ALPK2: variants seen among roughly 807,000 people sequenced by gnomAD.
The protein encoded by ALPK2 is alpha kinase 2.
In ALPK2, 127 loss-of-function variants were observed where a neutral mutation model predicts 163.1. That is an observed-to-expected ratio of 0.78 (90% CI 0.67 to 0.90). The LOEUF is 0.90. ALPK2 is among the 40% of genes least tolerant of loss of function. ALPK2 has a pLI of 0.00. For missense variants in ALPK2, 2,360 were observed against 2,589.6 expected (o/e 0.91, Z 1.92); for synonymous variants, 953 against 959.1 (o/e 0.99, Z 0.12).
intron 4 of ALPK2, among the ~76,000 whole-genome samples, chr18:58,539,124 C>T (rs894270081): frequency 5.3e-5 from 8 of 152,186 alleles, no homozygotes; most frequent in African/African-American, 1.9e-4. Flanking sequence ...AACAATGTTA[C>T]TAAAAAACAG....
At chr18:58,597,141 T>G (rs900328449) in intron 3 of ALPK2, among the ~76,000 whole-genome samples, 5 of 151,822 alleles carry the variant, frequency 3.3e-5, no homozygotes, top group African/African-American at 4.8e-5. Flanking sequence ...ACAAAAAAAT[T>G]TAGTCAGGTG....
intron 4 of ALPK2, among the ~76,000 whole-genome samples, chr18:58,569,299 C>A (rs537023721): frequency 6.6e-6 from 1 of 152,194 alleles, no homozygotes; most frequent in Non-Finnish European, 1.5e-5. Flanking sequence ...GAGCTTCCAA[C>A]GCCCACACTG....
intron 1 of ALPK2, among the ~76,000 whole-genome samples, chr18:58,619,171 A>G (rs572809153): frequency 2.6e-5 from 4 of 152,342 alleles, no homozygotes; most frequent in African/African-American, 9.6e-5. Context: ...CGGGAGAGAC[A>G]CTTAACACAT....
At position 58,613,712 on chromosome 18, in the gene ALPK2, AATAATAAT is replaced by A. The variant is rs1568101774; in HGVS notation, c.-20-1903_-20-1896del. On this transcript the variant is annotated intron_variant, in intron 1 of 12. Transcript: ENST00000361673. ...AGACTCCATCTCAAAAAAAAAAAAT[AATAATAAT>A]AATAATAATAATAATAATAATAATA... Among the ~76,000 whole-genome samples the A allele has an allele frequency of 1.3e-3, 60 of 44,880 alleles. 2 individuals carry two copies. The highest frequency in any genetic ancestry group is 3.5e-3 in the African/African-American group (46 of 13,038). 29.4% of individuals were successfully genotyped at this position (44,880 alleles called of 152,430 possible). A position where few individuals can be genotyped will look rare whatever the true frequency, so the allele number is the denominator to read the frequency against.
chr18:58,567,655 G>A (rs1261947276), intron 4 of ALPK2, among the ~76,000 whole-genome samples: 3 of 152,154 alleles, frequency 2.0e-5, no homozygotes, highest in Non-Finnish European at 2.9e-5. Context: ...TAACCAACAC[G>A]TGGCATTGGT....
At chr18:58,615,053 A>C (rs183740781) in intron 1 of ALPK2, among the ~76,000 whole-genome samples, 1 of 151,284 alleles carries the variant, frequency 6.6e-6, no homozygotes, top group Admixed American at 6.6e-5. Flanking sequence ...GGGCTCAAGC[A>C]ATCCTCCCAC....
chr18:58,603,922 C>T (rs1028943172), intron 3 of ALPK2, among the ~76,000 whole-genome samples: 6 of 152,142 alleles, frequency 3.9e-5, no homozygotes, highest in African/African-American at 1.2e-4. Context: ...CTGCCAAGCA[C>T]ACTTGACCCG....
At chr18:58,608,517 G>A (rs1260983960) in intron 2 of ALPK2, among the ~76,000 whole-genome samples, 1 of 152,152 alleles carries the variant, frequency 6.6e-6, no homozygotes, top group Non-Finnish European at 1.5e-5. Flanking sequence ...GTCAAAATGT[G>A]CCATATGCAC....
At chr18:58,572,243 A>G (rs1308614731) in intron 4 of ALPK2, among the ~76,000 whole-genome samples, 5 of 152,234 alleles carry the variant, frequency 3.3e-5, no homozygotes, top group Non-Finnish European at 5.9e-5. Context: ...AAATAATGAC[A>G]ATACCAAATG....
chr18:58,486,532 A>C (rs1368531706), intron 12 of ALPK2, among the ~76,000 whole-genome samples: 1 of 152,086 alleles, frequency 6.6e-6, no homozygotes, highest in Non-Finnish European at 1.5e-5. Context: ...GAAAGAACAA[A>C]ATGAATGGGG....
intron 3 of ALPK2, among the ~76,000 whole-genome samples, chr18:58,592,292 G>A (rs1194715886): frequency 6.6e-6 from 1 of 152,216 alleles, no homozygotes. Flanking sequence ...ACAGGGAGCA[G>A]TACACAATTT....
At chr18:58,517,285 G>A in intron 8 of ALPK2, 103 bp from the exon 9 acceptor site, 1 of 1,246,158 alleles carries the variant, frequency 8.0e-7, no homozygotes, top group Non-Finnish European at 1.1e-6. Context: ...TGACAAGGCT[G>A]ACCTGCAGAA....
intron 1 of ALPK2, among the ~76,000 whole-genome samples, chr18:58,615,111 G>A (rs1334948837): frequency 6.6e-6 from 1 of 152,046 alleles, no homozygotes; most frequent in Non-Finnish European, 1.5e-5. Flanking sequence ...ACAGAGCCCG[G>A]CCTATTCTGG....
Position 58,607,386 on chromosome 18 carries a change from T to C in ALPK2, c.163A>G (p.Ser55Gly), listed in dbSNP as rs2052103646. The C allele has an allele frequency of 6.2e-7, 1 of 1,613,436 alleles. No homozygotes were observed. Among genetic ancestry groups the C allele is most frequent in the Non-Finnish European group, 8.5e-7 (1 of 1,179,848 alleles). ...WYKNGQAIDG[S>G]GIISNYEFFE... ...AATTCATAGTTGGAAATAATGCCAC[T>C]CCCATCGATGGCCTGACCATTCTTA... The change falls in exon 3 of 13, where the codon AGT (serine) becomes GGT (glycine). Residue 55 changes from serine (S) to glycine (G), a missense_variant. Transcript: ENST00000361673.
In ALPK2 at chr18:58,534,849, T is replaced by G. The variant is rs1012296926; in HGVS notation, c.5338A>C (p.Lys1780Gln). 1.2e-6 allele frequency: 2 copies of G among 1,609,068 alleles called. No individual in the cohort carries two copies. Among genetic ancestry groups the G allele is most frequent in the Admixed American group, 1.7e-5 (1 of 59,024 alleles). ...EKQDPKKPSC[K>Q]REGRAPVLLK... Reference sequence around the variant, plus strand: ...AGAACCTCACCTCTTCCTTCTCTTTTGCAAGATGGCTTTTTTGGGTCTTGT... The same window carrying G: ...AGAACCTCACCTCTTCCTTCTCTTTGGCAAGATGGCTTTTTTGGGTCTTGT... Residue 1780 changes from lysine (K) to glutamine (Q), a missense_variant, in exon 5 of 13, where the codon AAA becomes CAA. By Grantham distance (53) the Lys-to-Gln change is moderately conservative. Coordinates refer to ENST00000361673, the MANE Select transcript of ALPK2 (RefSeq NM_052947.4).
At chr18:58,607,525 G>A in intron 2 of ALPK2, 86 bp from the exon 3 acceptor site, 1 of 823,176 alleles carries the variant, frequency 1.2e-6, no homozygotes, top group African/African-American at 1.7e-5. Context: ...GAACAAGGAT[G>A]GACAGTAAGC....
In ALPK2 at chr18:58,613,708, A is replaced by AAATAATAAT. The variant is rs147174781; in HGVS notation, c.-20-1900_-20-1892dup. Among the ~76,000 whole-genome samples, 396 of 95,176 alleles carry AAATAATAAT rather than the reference A, an allele frequency of 4.2e-3. 3 individuals are homozygous for AAATAATAAT. The highest frequency in any genetic ancestry group is 9.7e-3 in the Admixed American group (85 of 8,806). The allele number at this position is 95,176 out of a possible 152,430, so 62.4% of individuals were successfully genotyped here. A position where few individuals can be genotyped will look rare whatever the true frequency, so the allele number is the denominator to read the frequency against. ...AGCAAGACTCCATCTCAAAAAAAAA[A>AAATAATAAT]AATAATAATAATAATAATAATAATA... On this transcript the variant is annotated intron_variant, in intron 1 of 12. Coordinates refer to ENST00000361673, the MANE Select transcript of ALPK2 (RefSeq NM_052947.4).
At chr18:58,583,975 G>A (rs747858583) in intron 3 of ALPK2, among the ~76,000 whole-genome samples, 5 of 152,206 alleles carry the variant, frequency 3.3e-5, no homozygotes, top group African/African-American at 1.2e-4. Context: ...GAAATCAGGA[G>A]AGGTGGGGAG....
At chr18:58,622,481 G>A (rs1267220711) in intron 1 of ALPK2, among the ~76,000 whole-genome samples, 1 of 152,196 alleles carries the variant, frequency 6.6e-6, no homozygotes, top group African/African-American at 2.4e-5. Flanking sequence ...GCTTGTTAGT[G>A]ACAGAGTCCA....
Sources: gnomAD v4.1 joint callset for allele counts (sites outside exome capture counted in the v4.1 genomes callset) on GRCh38, gnomAD v4.1.1 for gene constraint, MANE v1.5 for transcripts, NCBI Gene and HGNC (gene_info 2026-07-23, HGNC 2026-07-21) for gene names.